LEMD1: variants seen among roughly 807,000 people sequenced by gnomAD.
The protein encoded by LEMD1 is LEM domain-containing protein 1.
LEMD1 carries 18 observed loss-of-function variants against 17.4 expected under a neutral mutation model. The observed-to-expected ratio is 1.04, with a 90% CI of 0.72 to 1.54. LEMD1 has a LOEUF of 1.54. LEMD1 is among the 40% of genes most tolerant of loss of function. The probability of loss-of-function intolerance (pLI) is 0.00; values close to 1 mark genes in which losing one functional copy is unlikely to be tolerated. For synonymous variants in LEMD1, 88 were observed against 77.8 expected (o/e 1.13, Z -0.69); for missense variants, 195 against 210.4 (o/e 0.93, Z 0.45).
At chr1:205,401,696 CTTTAG>C (rs1367031070) in intron 4 of LEMD1, among the ~76,000 whole-genome samples, 4 of 152,220 alleles carry the variant, frequency 2.6e-5, no homozygotes, top group Admixed American at 6.5e-5. Context: ...TGCAGAAGCT[CTTTAG>C]TTTAATTAGA....
At chr1:205,442,356 G>A (rs1236030771) in intron 1 of LEMD1, among the ~76,000 whole-genome samples, 1 of 152,244 alleles carries the variant, frequency 6.6e-6, no homozygotes, top group Non-Finnish European at 1.5e-5. Flanking sequence ...GGTTACCCCA[G>A]CAAGGCACAT....
rs761209608 is a variant in LEMD1, at chr1:205,384,366, T to G, written c.271-2A>C. On this transcript the variant is annotated splice_acceptor_variant, in intron 4 of 5. Coordinates refer to ENST00000367153, the MANE Select transcript of LEMD1 (RefSeq NM_001199050.2). LOFTEE classifies it high-confidence loss of function. Reference sequence around the variant, plus strand: ...TTTAGTGGTGGAAGCCTCAGGCCACTGATAAACAGAAAGAAAATGTCAAGA... The same window carrying G: ...TTTAGTGGTGGAAGCCTCAGGCCACGGATAAACAGAAAGAAAATGTCAAGA... 2.6e-4 allele frequency: 382 copies of G among 1,495,990 alleles called. 1 individual carries two copies. The highest frequency in any genetic ancestry group is 3.2e-4 in the Non-Finnish European group (358 of 1,120,904). The allele number at this position is 1,495,990 out of a possible 1,614,324, so 92.7% of individuals were successfully genotyped here.
At chr1:205,418,880 C>A (rs1665823562) in intron 3 of LEMD1, among the ~76,000 whole-genome samples, 2 of 152,182 alleles carry the variant, frequency 1.3e-5, no homozygotes, top group Admixed American at 1.3e-4. Context: ...GATTTATCAA[C>A]TGAGGCAAAG....
At chr1:205,394,124 G>C (rs1449671490) in intron 4 of LEMD1, among the ~76,000 whole-genome samples, 1 of 128,718 alleles carries the variant, frequency 7.8e-6, no homozygotes, top group Non-Finnish European at 1.6e-5. Context: ...ATCACACATT[G>C]AATGATTCCA....
At chr1:205,395,354 G>A (rs1042076521) in intron 4 of LEMD1, among the ~76,000 whole-genome samples, 1 of 152,204 alleles carries the variant, frequency 6.6e-6, no homozygotes, top group Middle Eastern at 3.4e-3. Context: ...CAGCACTTTG[G>A]GAGGCTGAGG....
chr1:205,385,795 C>T (rs972678136), intron 4 of LEMD1: 26 of 152,248 alleles, frequency 1.7e-4, no homozygotes, highest in African/African-American at 6.3e-4. Context: ...AGCCCAGGAC[C>T]CTTGAACATA....
chr1:205,422,087 G>A (rs553561166), upstream of LEMD1: 1 of 152,196 alleles, frequency 6.6e-6, no homozygotes, highest in African/African-American at 2.4e-5. Flanking sequence ...GTCCCTTTTT[G>A]CCTGTTAGAT....
intron 1 of LEMD1, among the ~76,000 whole-genome samples, chr1:205,444,491 A>G (rs982829350): frequency 2.0e-5 from 3 of 148,858 alleles, no homozygotes; most frequent in African/African-American, 7.7e-5. Context: ...CCTTGGCCTG[A>G]CCCCCACATC....
At chr1:205,422,799 G>C (rs183456547), upstream of LEMD1, among the ~76,000 whole-genome samples, 6 of 152,270 alleles carry the variant, frequency 3.9e-5, no homozygotes, top group Admixed American at 3.9e-4. Flanking sequence ...GATCTGAAAG[G>C]GGTGAAGAGG....
chr1:205,426,593 G>A (rs2102450411), upstream of LEMD1, among the ~76,000 whole-genome samples: 1 of 152,304 alleles, frequency 6.6e-6, no homozygotes, highest in African/African-American at 2.4e-5. Context: ...GGCATCGTAG[G>A]CAAAGGCATA....
chr1:205,439,003 A>G (rs1666251994), intron 1 of LEMD1, among the ~76,000 whole-genome samples: 1 of 152,120 alleles, frequency 6.6e-6, no homozygotes, highest in Non-Finnish European at 1.5e-5. Context: ...ATAACACCCA[A>G]TATCTCTGAG....
intron 4 of LEMD1, among the ~76,000 whole-genome samples, chr1:205,404,700 C>T (rs991204238): frequency 4.6e-5 from 7 of 152,026 alleles, no homozygotes; most frequent in Non-Finnish European, 7.3e-5. Flanking sequence ...AGTCCATTTA[C>T]ATTTAAAGTT....
intron 4 of LEMD1, among the ~76,000 whole-genome samples, chr1:205,406,508 T>G (rs12130097): frequency 0.31 from 46,447 of 152,044 alleles, 7,280 homozygotes; most frequent in African/African-American, 0.38. Context: ...GACCCTCACA[T>G]CCAGGTGTGG....
At chr1:205,389,036 TC>T (rs1375708730) in intron 4 of LEMD1, among the ~76,000 whole-genome samples, 81 of 121,066 alleles carry the variant, frequency 6.7e-4, no homozygotes, top group South Asian at 1.4e-3. Context: ...ACATTTGCTT[TC>T]TTTTTTTTTT....
At chr1:205,392,385 T>TA (rs34260506) in intron 4 of LEMD1, among the ~76,000 whole-genome samples, 91,539 of 151,196 alleles carry the variant, frequency 0.61, 28,283 homozygotes, top group African/African-American at 0.73. Flanking sequence ...AAATAAAATA[T>TA]AAAAAAATTA....
intron 4 of LEMD1, among the ~76,000 whole-genome samples, chr1:205,392,402 C>T (rs936209685): frequency 2.0e-4 from 31 of 151,772 alleles, no homozygotes; most frequent in African/African-American, 7.5e-4. Context: ...ATTAGCCAGG[C>T]ATGATGGTGT....
chr1:205,448,447 C>G lies in LEMD1; in HGVS notation c.-39+1421G>C, dbSNP rs773013892. On this transcript the variant is annotated intron_variant, in intron 1 of 3. Transcript: ENST00000367154. This position sits in a 1 kb window ranked among gnomAD's most constrained non-coding sequence, Gnocchi z 4.7. Reference sequence around the variant, plus strand: ...CATAGGGAAGCGAGAAGCTGGGGCACCCGAGAAGCCCTCACTCCCCTTCTC... The same window carrying G: ...CATAGGGAAGCGAGAAGCTGGGGCAGCCGAGAAGCCCTCACTCCCCTTCTC... 1.9e-6 allele frequency: 1 copy of G among 529,712 alleles called. No homozygotes were observed. The highest frequency in any genetic ancestry group is 3.9e-6 in the Non-Finnish European group (1 of 259,048). The allele number at this position is 529,712 out of a possible 1,614,324, so 32.8% of individuals were successfully genotyped here. A position where few individuals can be genotyped will look rare whatever the true frequency, so the allele number is the denominator to read the frequency against.
At chr1:205,430,551 T>C (rs1287256630) in intron 1 of LEMD1, among the ~76,000 whole-genome samples, 1 of 152,158 alleles carries the variant, frequency 6.6e-6, no homozygotes, top group African/African-American at 2.4e-5. Context: ...GTGGTTCCCA[T>C]GAGACAGGAG....
intron 4 of LEMD1, among the ~76,000 whole-genome samples, chr1:205,406,685 T>A (rs1665126951): frequency 6.6e-6 from 1 of 152,224 alleles, no homozygotes; most frequent in African/African-American, 2.4e-5. Flanking sequence ...TCACCCTGCT[T>A]TGGCTCGCAC....
Sources: gnomAD v4.1 joint callset for allele counts (sites outside exome capture counted in the v4.1 genomes callset) on GRCh38, gnomAD v4.1.1 for gene constraint, Gnocchi (gnomAD v3.1) non-coding constraint, MANE v1.5 for transcripts, NCBI Gene and HGNC (gene_info 2026-07-23, HGNC 2026-07-21) for gene names.